Variants in TAF3 observed in about 807,000 individuals in gnomAD.
TAF3 encodes the protein TATA-box binding protein associated factor 3, also known as transcription initiation factor TFIID subunit 3.
TAF3 carries 7 observed loss-of-function variants against 80.6 expected under a neutral mutation model. The observed-to-expected ratio is 0.09, with a 90% CI of 0.05 to 0.16. The LOEUF is 0.16. Among genes scored for constraint, TAF3 ranks in the 10% least tolerant of loss-of-function variants. TAF3 has a pLI of 1.00. For synonymous variants in TAF3, 444 were observed against 446.1 expected (o/e 1.00, Z 0.06); for missense variants, 921 against 1,140.2 (o/e 0.81, Z 2.77).
At chr10:7,895,042 A>G (rs1453505411) in intron 2 of TAF3, among the ~76,000 whole-genome samples, 1 of 152,038 alleles carries the variant, frequency 6.6e-6, no homozygotes, top group African/African-American at 2.4e-5. Flanking sequence ...TTCCTGGCTA[A>G]TTTTTGTATT....
chr10:7,839,539 T>G (rs1836889383), intron 2 of TAF3, among the ~76,000 whole-genome samples: 1 of 152,200 alleles, frequency 6.6e-6, no homozygotes, highest in Non-Finnish European at 1.5e-5. Context: ...GAGGTGACAG[T>G]GGGATCCCAG....
chr10:7,896,588 T>G (rs569995757), intron 2 of TAF3, among the ~76,000 whole-genome samples: 1 of 152,358 alleles, frequency 6.6e-6, no homozygotes, highest in South Asian at 2.1e-4. Context: ...GGGACAGATT[T>G]AGCTAAGTTG....
intron 3 of TAF3, among the ~76,000 whole-genome samples, chr10:7,976,714 C>G (rs1354610417): frequency 6.6e-6 from 1 of 151,998 alleles, no homozygotes; most frequent in East Asian, 1.9e-4. Flanking sequence ...TTTTTGTTTT[C>G]TTTTACAGCA....
At chr10:7,957,798 T>TCC (rs745381604) in intron 2 of TAF3, among the ~76,000 whole-genome samples, 1 of 91,912 alleles carries the variant, frequency 1.1e-5, no homozygotes, top group Admixed American at 1.1e-4. Context: ...TAGCGCGCTC[T>TCC]CTCTCTCTCT....
chr10:7,858,806 C>G (rs1588527198), intron 2 of TAF3, among the ~76,000 whole-genome samples: 3 of 150,548 alleles, frequency 2.0e-5, no homozygotes, highest in African/African-American at 7.3e-5. Flanking sequence ...ATTATAGGCT[C>G]TGTGTGTGTG....
intron 2 of TAF3, among the ~76,000 whole-genome samples, chr10:7,895,884 C>A (rs1201281750): frequency 2.0e-5 from 3 of 152,190 alleles, no homozygotes; most frequent in Non-Finnish European, 2.9e-5. Context: ...TCTCCCCACC[C>A]CTGCGCCTAG....
intron 4 of TAF3, among the ~76,000 whole-genome samples, chr10:7,985,770 T>A (rs1831770069): frequency 6.7e-6 from 1 of 149,462 alleles, no homozygotes; most frequent in African/African-American, 2.5e-5. Flanking sequence ...CAGTCTCTCA[T>A]TCTCTCTCTC....
At chr10:7,831,493 G>A (rs1259385282) in intron 2 of TAF3, among the ~76,000 whole-genome samples, 1 of 152,076 alleles carries the variant, frequency 6.6e-6, no homozygotes, top group Non-Finnish European at 1.5e-5. Flanking sequence ...TTACAGGCAT[G>A]TGCCACCACG....
intron 2 of TAF3, among the ~76,000 whole-genome samples, chr10:7,846,023 A>G (rs1391866156): frequency 5.4e-5 from 8 of 149,486 alleles, no homozygotes; most frequent in East Asian, 2.0e-4. Flanking sequence ...CAGTGGCGCA[A>G]TCTCGGCTCA....
chr10:7,998,255 A>G (rs943719076), intron 4 of TAF3, among the ~76,000 whole-genome samples: 3 of 104,524 alleles, frequency 2.9e-5, no homozygotes, highest in Admixed American at 1.1e-4. Context: ...ATATATATAT[A>G]TATATATATG....
At chr10:7,999,237 C>CTAT (rs1831919441) in intron 4 of TAF3, among the ~76,000 whole-genome samples, 1 of 152,074 alleles carries the variant, frequency 6.6e-6, no homozygotes, top group South Asian at 2.1e-4. Context: ...ATTTCTTGAG[C>CTAT]TGCTGTGTTT....
intron 4 of TAF3, among the ~76,000 whole-genome samples, chr10:7,996,533 A>G (rs181125214): frequency 6.6e-6 from 1 of 152,342 alleles, no homozygotes; most frequent in East Asian, 1.9e-4. Flanking sequence ...ATCAGAAAGC[A>G]AAAATATGGA....
intron 2 of TAF3, among the ~76,000 whole-genome samples, chr10:7,904,307 C>A (rs976798802): frequency 1.3e-5 from 2 of 152,210 alleles, no homozygotes; most frequent in Non-Finnish European, 2.9e-5. Flanking sequence ...CCTCCCTAAC[C>A]AAGCAAGACT....
At chr10:7,983,698 A>G (rs935724746) in intron 4 of TAF3, among the ~76,000 whole-genome samples, 37 of 152,090 alleles carry the variant, frequency 2.4e-4, no homozygotes, top group Admixed American at 8.5e-4. Context: ...CATGAGCTGG[A>G]CGTAGTGGCG....
intron 3 of TAF3, among the ~76,000 whole-genome samples, chr10:7,968,558 A>G (rs1385581253): frequency 1.3e-5 from 2 of 152,246 alleles, no homozygotes; most frequent in Non-Finnish European, 2.9e-5. Context: ...TAAAAACAGC[A>G]AAACAGTCAT....
chr10:7,919,805 A>T (rs1837745822), intron 2 of TAF3, among the ~76,000 whole-genome samples: 1 of 152,094 alleles, frequency 6.6e-6, no homozygotes, highest in African/African-American at 2.4e-5. Context: ...GAATCCACAG[A>T]TGTGGAACCC....
intron 4 of TAF3, among the ~76,000 whole-genome samples, chr10:7,999,761 T>A (rs908424867): frequency 1.3e-5 from 2 of 152,124 alleles, no homozygotes; most frequent in African/African-American, 4.8e-5. Context: ...CCAGCCCAAA[T>A]GTATTACTTT....
intron 2 of TAF3, among the ~76,000 whole-genome samples, chr10:7,914,694 TTTTC>T (rs1837691567): frequency 1.3e-5 from 2 of 152,198 alleles, no homozygotes; most frequent in Admixed American, 6.5e-5. Flanking sequence ...TCGTATACCT[TTTTC>T]TGAGGGATGG....
Position 8,014,788 on chromosome 10 carries a change from G to A in TAF3, c.*37G>A, listed in dbSNP as rs983294155. 1.4e-5 allele frequency: 21 copies of A among 1,535,790 alleles called. No homozygotes were observed. The South Asian group carries it at 2.2e-4, about 16-fold the overall frequency. ...GGGCTGGACCAAGCGGGGTCAGCCC[G>A]GGCTTCTTCCCTGGCGCCTCTGGAA... On this transcript the variant is annotated 3_prime_UTR_variant, in exon 7 of 7. Transcript: ENST00000344293.
Sources: gnomAD v4.1 joint callset for allele counts (sites outside exome capture counted in the v4.1 genomes callset) on GRCh38, gnomAD v4.1.1 for gene constraint, MANE v1.5 for transcripts, NCBI Gene and HGNC (gene_info 2026-07-23, HGNC 2026-07-21) for gene names.